The following SLBP variants were observed in gnomAD, a reference collection of about 807,000 sequenced individuals.
SLBP encodes histone RNA hairpin-binding protein.
SLBP carries 29 observed loss-of-function variants against 39.2 expected under a neutral mutation model. The observed-to-expected ratio is 0.74, with a 90% CI of 0.55 to 1.01. SLBP has a LOEUF of 1.01. Ranked by LOEUF, SLBP falls within the 50% of genes least tolerant of loss-of-function variation. The pLI, the probability that SLBP is intolerant of heterozygous loss-of-function variation, is 0.00. For missense variants in SLBP, 390 were observed against 350.2 expected (o/e 1.11, Z -0.91); for synonymous variants, 129 against 118.7 (o/e 1.09, Z -0.57).
Position 1,699,996 on chromosome 4 carries a change from T to G in SLBP, c.341+15A>C, listed in dbSNP as rs1243910833. 6.4e-7 allele frequency: 1 copy of G among 1,554,810 alleles called. No individual in the cohort carries two copies. The highest frequency in any genetic ancestry group is 2.2e-5 in the East Asian group (1 of 44,526). On this transcript the variant is annotated intron_variant, in intron 4 of 7. Transcript: ENST00000489418. ...GTCTATCAAATTAGAAAAGAAACAT[T>G]TACACAGCCTTTACCTTCCTGATGA...
chr4:1,695,793 G>C (rs1479241499), intron 6 of SLBP, among the ~76,000 whole-genome samples: 1 of 149,236 alleles, frequency 6.7e-6, no homozygotes, highest in Non-Finnish European at 1.5e-5. Flanking sequence ...AAAGCCAACA[G>C]AGAAAGAAAG....
At chr4:1,697,206 C>T (rs558959866) in intron 5 of SLBP, among the ~76,000 whole-genome samples, 7 of 143,114 alleles carry the variant, frequency 4.9e-5, no homozygotes, top group South Asian at 2.2e-4. Flanking sequence ...CAGTGGTTCA[C>T]GCTGTAATCC....
Position 1,706,524 on chromosome 4 carries a change from A to G in SLBP, c.177-2824T>C, listed in dbSNP as rs2108663402. On this transcript the variant is annotated intron_variant, in intron 2 of 7. Coordinates refer to ENST00000489418, the MANE Select transcript of SLBP (RefSeq NM_006527.4). Reference sequence around the variant, plus strand: ...GTCTTCAGTCAATATTGGGAAATTTATGGCCAGGCAGTGGCTCACTCCTGT... The same window carrying G: ...GTCTTCAGTCAATATTGGGAAATTTGTGGCCAGGCAGTGGCTCACTCCTGT... 2.0e-5 allele frequency among the ~76,000 whole-genome samples: 3 copies of G among 152,242 alleles called. No homozygotes were observed. In the Middle Eastern group the frequency reaches 0.01, roughly 518 times the overall value.
chr4:1,701,035 G>A (rs79342102), intron 3 of SLBP, among the ~76,000 whole-genome samples: 2,807 of 152,122 alleles, frequency 0.018, 39 homozygotes, highest in Admixed American at 0.036. Flanking sequence ...ATCTTTGTAC[G>A]ATTCAGAGAT....
chr4:1,696,466 G>T, intron 5 of SLBP, 115 bp from the exon 6 acceptor site: 6 of 862,426 alleles, frequency 7.0e-6, no homozygotes, highest in Non-Finnish European at 1.0e-5. Flanking sequence ...CAGATCACCA[G>T]GCATGGTGGC....
At chr4:1,697,841 C>CA (rs1390905260) in intron 5 of SLBP, among the ~76,000 whole-genome samples, 1 of 151,950 alleles carries the variant, frequency 6.6e-6, no homozygotes, top group African/African-American at 2.4e-5. Flanking sequence ...AACTCGGTCT[C>CA]AAAAAAATCA....
At chr4:1,699,744 A>T (rs757403926) in intron 4 of SLBP, 43 bp from the exon 5 acceptor site, 1 of 1,585,984 alleles carries the variant, frequency 6.3e-7, no homozygotes, top group Non-Finnish European at 8.6e-7. Context: ...TGCAATTAAG[A>T]TCACCATGTA....
intron 2 of SLBP, among the ~76,000 whole-genome samples, chr4:1,709,440 T>A (rs1009642742): frequency 6.6e-6 from 1 of 152,194 alleles, no homozygotes; most frequent in African/African-American, 2.4e-5. Flanking sequence ...GACATTCCTT[T>A]AAAGCACTGG....
At chr4:1,699,825 T>C in intron 4 of SLBP, 124 bp from the exon 5 acceptor site, 1 of 948,618 alleles carries the variant, frequency 1.1e-6, no homozygotes, top group Non-Finnish European at 1.6e-6. Flanking sequence ...ACCATATGAA[T>C]CCTAAATAGT....
intron 3 of SLBP, 63 bp downstream of exon 3, chr4:1,703,533 C>G (rs1391478373): frequency 1.9e-6 from 2 of 1,027,582 alleles, no homozygotes; most frequent in Non-Finnish European, 1.5e-6. Context: ...AGACAAATAT[C>G]AAATTTAATG....
chr4:1,700,203 A>C, intron 3 of SLBP, 133 bp from the exon 4 acceptor site: 1 of 494,376 alleles, frequency 2.0e-6, no homozygotes, highest in Non-Finnish European at 3.5e-6. Context: ...GCCAAAAGAA[A>C]TCTTTGTCAG....
intron 5 of SLBP, among the ~76,000 whole-genome samples, chr4:1,697,294 C>G (rs1340092567): frequency 6.8e-6 from 1 of 146,458 alleles, no homozygotes; most frequent in Non-Finnish European, 1.5e-5. Flanking sequence ...AGGGTGAAAC[C>G]CTGTCTCCAC....
At position 1,693,408 on chromosome 4, in the gene SLBP, T is replaced by C. The variant is rs986509485; in HGVS notation, c.*189A>G. On this transcript the variant is annotated 3_prime_UTR_variant, in exon 8 of 8. Coordinates refer to ENST00000489418, the MANE Select transcript of SLBP (RefSeq NM_006527.4). ...TTAGCTCCATTTACAATTTAAAACA[T>C]GCAAAATATACTCACTATACATAAA... 3 of 538,440 alleles carry C rather than the reference T, an allele frequency of 5.6e-6. No individual in the cohort carries two copies. Among genetic ancestry groups the C allele is most frequent in the Non-Finnish European group, 1.0e-5 (3 of 300,490 alleles). The allele number at this position is 538,440 out of a possible 1,614,324, so 33.4% of individuals were successfully genotyped here.
chr4:1,693,364 T>C lies in SLBP; in HGVS notation c.*233A>G, dbSNP rs1715987400. ...GCAATTAAGCTCGCTGGAAGAGAGC[T>C]TCAAGTACTTTCTTGGACTTAGCTC... On this transcript the variant is annotated 3_prime_UTR_variant, in exon 8 of 8. Coordinates refer to ENST00000489418, the MANE Select transcript of SLBP (RefSeq NM_006527.4). 4 of 428,110 alleles carry C rather than the reference T, an allele frequency of 9.3e-6. No individual in the cohort carries two copies. In the South Asian group the frequency reaches 1.1e-4, roughly 12 times the overall value. The allele number at this position is 428,110 out of a possible 1,614,324, so 26.5% of individuals were successfully genotyped here. A position where few individuals can be genotyped will look rare whatever the true frequency, so the allele number is the denominator to read the frequency against.
chr4:1,709,418 T>C (rs1165803415), intron 2 of SLBP, among the ~76,000 whole-genome samples: 2 of 152,176 alleles, frequency 1.3e-5, no homozygotes, highest in Non-Finnish European at 2.9e-5. Flanking sequence ...GTAAACAGTG[T>C]TCAAGAAGAA....
intron 4 of SLBP, 22 bp downstream of exon 4, chr4:1,699,985 AAAAG>A: frequency 6.6e-7 from 1 of 1,515,480 alleles, no homozygotes; most frequent in Non-Finnish European, 9.0e-7. Context: ...ATCAAATTAG[AAAAG>A]AAACATTTAC....
At chr4:1,702,192 A>G (rs1716354573) in intron 3 of SLBP, among the ~76,000 whole-genome samples, 2 of 152,218 alleles carry the variant, frequency 1.3e-5, no homozygotes, top group African/African-American at 4.8e-5. Context: ...CAAACTATAC[A>G]AGTCAAGTCA....
Position 1,700,301 on chromosome 4 carries a change from T to C in SLBP, c.282-231A>G, listed in dbSNP as rs76125917. 0.12 allele frequency among the ~76,000 whole-genome samples: 17,953 copies of C among 152,050 alleles called. 1,471 individuals carry two copies. Among genetic ancestry groups the C allele is most frequent in the Non-Finnish European group, 0.18 (12,188 of 67,992 alleles). On this transcript the variant is annotated intron_variant, in intron 3 of 7. Transcript: ENST00000489418. Reference sequence around the variant, plus strand: ...TAAAAAAAGAAAAACAAAACATAAATTGAAATAAATTATTTTAAAAACACC... The same window carrying C: ...TAAAAAAAGAAAAACAAAACATAAACTGAAATAAATTATTTTAAAAACACC...
intron 2 of SLBP, among the ~76,000 whole-genome samples, chr4:1,705,648 T>G (rs1716489359): frequency 6.6e-6 from 1 of 152,018 alleles, no homozygotes; most frequent in Non-Finnish European, 1.5e-5. Context: ...GATGATAATC[T>G]TCTGATTTAT....
Sources: allele counts gnomAD v4.1 joint callset (sites outside exome capture counted in the v4.1 genomes callset), GRCh38; gene constraint gnomAD v4.1.1; transcripts MANE v1.5; gene names NCBI Gene and HGNC (gene_info 2026-07-23, HGNC 2026-07-21).